KIF3C: variants seen among roughly 807,000 people sequenced by gnomAD.
The protein encoded by KIF3C is kinesin family member 3C.
In KIF3C, 12 loss-of-function variants were observed where a neutral mutation model predicts 67.7. The observed-to-expected ratio is 0.18, with a 90% CI of 0.11 to 0.29. The LOEUF is 0.29. Ranked by LOEUF, KIF3C falls within the 10% of genes least tolerant of loss-of-function variation. The probability of loss-of-function intolerance (pLI) is 1.00; values close to 1 mark genes in which losing one functional copy is unlikely to be tolerated. For synonymous variants in KIF3C, 393 were observed against 426.2 expected (o/e 0.92, Z 0.96); for missense variants, 789 against 1,059.6 (o/e 0.74, Z 3.55).
chr2:25,945,564 CAAAAAAAAAAAAAAAAAAA>C (rs10581291), intron 5 of KIF3C, among the ~76,000 whole-genome samples: 1 of 67,394 alleles, frequency 1.5e-5, no homozygotes, highest in African/African-American at 5.4e-5. Flanking sequence ...GAGAATATCT[CAAAAAAAAAAAAAAAAAAA>C]AAAAAGAATA....
At chr2:25,952,502 G>T (rs189605933) in intron 4 of KIF3C, among the ~76,000 whole-genome samples, 83 of 150,542 alleles carry the variant, frequency 5.5e-4, no homozygotes, top group Middle Eastern at 6.8e-3. Context: ...GGTGACTATA[G>T]TCAATAACTT....
intron 1 of KIF3C, among the ~76,000 whole-genome samples, chr2:25,972,193 C>T (rs1316642671): frequency 1.3e-5 from 2 of 151,922 alleles, no homozygotes; most frequent in Non-Finnish European, 2.9e-5. Flanking sequence ...TTGTCAAAGC[C>T]ACTTCATCCA....
intron 5 of KIF3C, chr2:25,938,118 T>G (rs1231158623): frequency 3.4e-6 from 1 of 293,280 alleles, no homozygotes; most frequent in Non-Finnish European, 6.8e-6. Flanking sequence ...ATCCCAACAC[T>G]TTAGGAGGAC....
At chr2:25,945,329 T>C (rs898384212) in intron 5 of KIF3C, among the ~76,000 whole-genome samples, 27 of 151,884 alleles carry the variant, frequency 1.8e-4, no homozygotes, top group Non-Finnish European at 5.9e-5. Flanking sequence ...TACTTTATAG[T>C]CTGGTAGTTA....
chr2:25,962,969 TATATA>T (rs1287026707), intron 1 of KIF3C, among the ~76,000 whole-genome samples: 13 of 45,904 alleles, frequency 2.8e-4, no homozygotes, highest in East Asian at 2.3e-3. Context: ...ATATATATAA[TATATA>T]ATATATAATA....
intron 5 of KIF3C, among the ~76,000 whole-genome samples, chr2:25,934,709 T>C (rs1256430338): frequency 6.6e-6 from 1 of 152,130 alleles, no homozygotes; most frequent in Non-Finnish European, 1.5e-5. Context: ...ATTGTACACT[T>C]TAAAATGGTG....
chr2:25,975,784 C>G lies in KIF3C; in HGVS notation c.1545+4589G>C, dbSNP rs143368793. Among the ~76,000 whole-genome samples the G allele has an allele frequency of 3.7e-3, 561 of 152,046 alleles. 7 individuals are homozygous for G. Among genetic ancestry groups the G allele is most frequent in the African/African-American group, 0.013 (536 of 41,472 alleles). ...CCATCTTGGCTAACGTGGTGAAACCCCATCTCTACTAAAAATACAAAAAGT... is the reference window on the plus strand; with the variant it reads ...CCATCTTGGCTAACGTGGTGAAACCGCATCTCTACTAAAAATACAAAAAGT... On this transcript the variant is annotated intron_variant, in intron 1 of 7. Coordinates refer to ENST00000264712, the MANE Select transcript of KIF3C (RefSeq NM_002254.8).
At chr2:25,956,524 C>T in intron 1 of KIF3C, 80 bp from the exon 2 acceptor site, 1 of 1,042,378 alleles carries the variant, frequency 9.6e-7, no homozygotes, top group Non-Finnish European at 1.5e-6. Flanking sequence ...TGCTTCCCTG[C>T]TCTGTGGTCC....
intron 5 of KIF3C, among the ~76,000 whole-genome samples, chr2:25,932,441 T>G (rs1206670156): frequency 6.6e-6 from 1 of 151,232 alleles, no homozygotes; most frequent in Non-Finnish European, 1.5e-5. Flanking sequence ...ACCCAGCCTA[T>G]TTTTCTTCAT....
intron 5 of KIF3C, 138 bp downstream of exon 5, chr2:25,951,651 C>A: frequency 1.6e-6 from 1 of 617,834 alleles, no homozygotes. Flanking sequence ...ATTCATCCCC[C>A]ATCGGCATCC....
chr2:25,967,875 G>GC (rs2149240640), intron 1 of KIF3C, among the ~76,000 whole-genome samples: 1 of 152,252 alleles, frequency 6.6e-6, no homozygotes, highest in Non-Finnish European at 1.5e-5. Flanking sequence ...CAACCAGCGA[G>GC]TTTGAGAATA....
At chr2:25,951,607 C>T (rs1418385427) in intron 5 of KIF3C, 182 bp downstream of exon 5, 1 of 551,096 alleles carries the variant, frequency 1.8e-6, no homozygotes, top group African/African-American at 1.9e-5. Flanking sequence ...AACACCCTTC[C>T]ATCATAGAGA....
rs70950139 is a variant in KIF3C at position 25,940,650 on chromosome 2, C to CT, written c.2007-10588dup. On this transcript the variant is annotated intron_variant, in intron 5 of 7. Coordinates refer to ENST00000264712, the MANE Select transcript of KIF3C (RefSeq NM_002254.8). The stretch of plus-strand genomic sequence containing the variant: ...AGCAGGGGCTAGAATTCAGAATGTT[C>CT]TTTTTTTTTTTTTTTTTTTTTTTTG... 7.0e-3 allele frequency among the ~76,000 whole-genome samples: 520 copies of CT among 74,162 alleles called. 44 individuals are homozygous for CT. Among genetic ancestry groups the CT allele is most frequent in the East Asian group, 0.017 (44 of 2,600 alleles). The allele number at this position is 74,162 out of a possible 152,430, so 48.7% of individuals were successfully genotyped here. A position where few individuals can be genotyped will look rare whatever the true frequency, so the allele number is the denominator to read the frequency against.
At chr2:25,977,285 G>A (rs1222721310) in intron 1 of KIF3C, among the ~76,000 whole-genome samples, 1 of 152,182 alleles carries the variant, frequency 6.6e-6, no homozygotes, top group Non-Finnish European at 1.5e-5. Context: ...GACAGACTAT[G>A]AGATGAGTCA....
chr2:25,973,637 A>C (rs1369909614), intron 1 of KIF3C, among the ~76,000 whole-genome samples: 3 of 151,826 alleles, frequency 2.0e-5, no homozygotes, highest in African/African-American at 7.3e-5. Context: ...TGAAATCATC[A>C]CCACCATCAA....
At chr2:25,966,646 C>G (rs905407586) in intron 1 of KIF3C, among the ~76,000 whole-genome samples, 2 of 152,208 alleles carry the variant, frequency 1.3e-5, no homozygotes, top group African/African-American at 2.4e-5. Context: ...TCATAAAGCA[C>G]TGACGTGGAA....
chr2:25,981,955 C>T lies in KIF3C; in HGVS notation c.-38G>A. 1 of 1,488,942 alleles carries T rather than the reference C, an allele frequency of 6.7e-7. No homozygotes were observed. Among genetic ancestry groups the T allele is most frequent in the Non-Finnish European group, 8.9e-7 (1 of 1,119,044 alleles). The allele number at this position is 1,488,942 out of a possible 1,614,324, so 92.2% of individuals were successfully genotyped here. A position where few individuals can be genotyped will look rare whatever the true frequency, so the allele number is the denominator to read the frequency against. On this transcript the variant is annotated 5_prime_UTR_variant, in exon 1 of 8. Transcript: ENST00000264712. The surrounding 1 kb of genome is among the most constrained non-coding windows in gnomAD (Gnocchi z 8.2). ...ACCTTCCTGCCCCCGAGCCCCTCCG[C>T]AGCCTGGGCGGTCCTGCTATCCTGC...
intron 5 of KIF3C, among the ~76,000 whole-genome samples, chr2:25,949,258 T>C (rs1001671236): frequency 3.3e-5 from 5 of 152,106 alleles, no homozygotes; most frequent in African/African-American, 1.2e-4. Context: ...ATACTATTCT[T>C]GCAATTCTTG....
At chr2:25,941,556 T>TAA (rs1188342002) in intron 5 of KIF3C, among the ~76,000 whole-genome samples, 2 of 137,080 alleles carry the variant, frequency 1.5e-5, no homozygotes, top group African/African-American at 5.4e-5. Flanking sequence ...TGTCTCTATT[T>TAA]AAAAAAAAAA....
Sources: allele counts gnomAD v4.1 joint callset (sites outside exome capture counted in the v4.1 genomes callset), GRCh38; gene constraint gnomAD v4.1.1; non-coding constraint Gnocchi (gnomAD v3.1); transcripts MANE v1.5; gene names NCBI Gene and HGNC (gene_info 2026-07-23, HGNC 2026-07-21).